Variants in NUP133 observed in about 807,000 individuals in gnomAD.
NUP133 encodes nuclear pore complex protein Nup133.
NUP133 carries 66 observed loss-of-function variants against 146.2 expected under a neutral mutation model. The ratio of observed to expected loss-of-function variants is 0.45; its 90% CI spans 0.37 to 0.55. NUP133 has a LOEUF of 0.55. Among genes scored for constraint, NUP133 ranks in the 20% least tolerant of loss-of-function variants. The pLI, the probability that NUP133 is intolerant of heterozygous loss-of-function variation, is 0.00. For synonymous variants in NUP133, 521 were observed against 498.8 expected, an observed-to-expected ratio of 1.04 and a Z score of -0.59; for missense variants, 1,277 against 1,374.8, an observed-to-expected ratio of 0.93 and a Z score of 1.12.
chr1:229,495,769 T>C (rs1037658584), intron 7 of NUP133, 123 bp downstream of exon 7: 2 of 971,690 alleles, frequency 2.1e-6, no homozygotes, highest in Non-Finnish European at 3.0e-6. Flanking sequence ...CTTAATCTGA[T>C]AACCATACAC....
At chr1:229,448,151 G>A (rs936194510) in intron 24 of NUP133, among the ~76,000 whole-genome samples, 6 of 152,216 alleles carry the variant, frequency 3.9e-5, no homozygotes, top group Non-Finnish European at 8.8e-5. Context: ...GGGAGGAGCC[G>A]GGCGTGGTGG....
intron 11 of NUP133, among the ~76,000 whole-genome samples, chr1:229,484,648 C>T (rs1349858747): frequency 1.3e-5 from 2 of 152,138 alleles, no homozygotes; most frequent in African/African-American, 4.8e-5. Context: ...TGCTCTTACA[C>T]GACTCATCAC....
At chr1:229,449,242 T>C (rs1213712419) in intron 23 of NUP133, 52 bp from the exon 24 acceptor site, 6 of 1,176,460 alleles carry the variant, frequency 5.1e-6, no homozygotes, top group Non-Finnish European at 7.4e-6. Context: ...CTGAAAGAAA[T>C]ACATGCCTAA....
chr1:229,500,347 G>A (rs1365469696), intron 4 of NUP133, among the ~76,000 whole-genome samples: 1 of 152,022 alleles, frequency 6.6e-6, no homozygotes, highest in Non-Finnish European at 1.5e-5. Context: ...AAGTTTTACT[G>A]TTTTACATTT....
intron 8 of NUP133, among the ~76,000 whole-genome samples, chr1:229,491,462 C>A (rs1224766838): frequency 1.3e-5 from 2 of 152,156 alleles, no homozygotes; most frequent in African/African-American, 4.8e-5. Context: ...CTAGGCAACA[C>A]TGTGAGACCA....
At chr1:229,462,024 C>T (rs1253250837) in intron 19 of NUP133, among the ~76,000 whole-genome samples, 1 of 152,066 alleles carries the variant, frequency 6.6e-6, no homozygotes, top group East Asian at 1.9e-4. Context: ...GATGGAATTA[C>T]AGGCACACGC....
At position 229,486,272 on chromosome 1, in the gene NUP133, C is replaced by T. The variant is rs906996624; in HGVS notation, c.1500+99G>A. On this transcript the variant is annotated intron_variant, in intron 11 of 25. Coordinates refer to ENST00000261396, the MANE Select transcript of NUP133 (RefSeq NM_018230.3). ...AGGAGTTTGGGGCTGCAATGAACTA[C>T]GACTGTGCCACTGCACTCTAGCCTG... The T allele has an allele frequency of 7.4e-6, 8 of 1,080,794 alleles. No homozygotes were observed. The Admixed American group carries it at 9.8e-5, about 13-fold the overall frequency. The allele number at this position is 1,080,794 out of a possible 1,614,324, so 67.0% of individuals were successfully genotyped here. A position where few individuals can be genotyped will look rare whatever the true frequency, so the allele number is the denominator to read the frequency against.
At chr1:229,448,194 T>C (rs1464052462) in intron 24 of NUP133, among the ~76,000 whole-genome samples, 1 of 152,146 alleles carries the variant, frequency 6.6e-6, no homozygotes, top group Non-Finnish European at 1.5e-5. Context: ...TTTGGGAGGC[T>C]GAGGTGGGCA....
chr1:229,466,544 G>A (rs1660831552), intron 16 of NUP133, 90 bp downstream of exon 16: 16 of 1,377,186 alleles, frequency 1.2e-5, no homozygotes, highest in Non-Finnish European at 1.3e-5. Context: ...ATACATTATC[G>A]GCAATACAGA....
rs536621548 is a variant in NUP133 at position 229,460,066 on chromosome 1, C to T, written c.2844+545G>A. Among the ~76,000 whole-genome samples, 4 of 152,142 alleles carry T rather than the reference C, an allele frequency of 2.6e-5. No individual in the cohort carries two copies. The South Asian group carries it at 6.2e-4, about 24-fold the overall frequency. On this transcript the variant is annotated intron_variant, in intron 20 of 25. Coordinates refer to ENST00000261396, the MANE Select transcript of NUP133 (RefSeq NM_018230.3). The stretch of plus-strand genomic sequence containing the variant: ...GGTAACAGCCATTCGAACAAATGTA[C>T]GGTGATGTCTCATTGTGATATAAAT...
chr1:229,487,993 G>A (rs1661404717), intron 9 of NUP133, among the ~76,000 whole-genome samples: 1 of 151,846 alleles, frequency 6.6e-6, no homozygotes, highest in Non-Finnish European at 1.5e-5. Flanking sequence ...ACAGGTGCAT[G>A]CTACCATGCC....
chr1:229,464,741 A>C lies in NUP133; in HGVS notation c.2434T>G (p.Phe812Val), dbSNP rs745852152. The change falls in exon 18 of 26, where the codon TTC (phenylalanine) becomes GTC (valine). Residue 812 changes from phenylalanine (F) to valine (V), a missense_variant. Coordinates refer to ENST00000261396, the MANE Select transcript of NUP133 (RefSeq NM_018230.3). Reference sequence around the variant, plus strand: ...AGCTGAGAAACATAACCATCCAGGAAGCAATCGATCAGGGCTACCAGCTGC... The same window carrying C: ...AGCTGAGAAACATAACCATCCAGGACGCAATCGATCAGGGCTACCAGCTGC... ...TEQLVALIDCFLDGYVSQLKS... is the reference protein window; with the variant it reads ...TEQLVALIDCVLDGYVSQLKS... 1 of 1,614,238 alleles carries C rather than the reference A, an allele frequency of 6.2e-7. No individual in the cohort carries two copies.
chr1:229,506,283 A>G (rs1488591931), intron 1 of NUP133, 125 bp from the exon 2 acceptor site: 1 of 498,428 alleles, frequency 2.0e-6, no homozygotes, highest in East Asian at 3.1e-5. Context: ...CATATTTACC[A>G]TGTAATTAAA....
chr1:229,452,063 G>A (rs377461677), intron 22 of NUP133, among the ~76,000 whole-genome samples: 4 of 152,328 alleles, frequency 2.6e-5, no homozygotes, highest in East Asian at 3.9e-4. Flanking sequence ...GCAAAGAGAT[G>A]CTTCTTCTCT....
Position 229,499,693 on chromosome 1 carries a change from T to C in NUP133, c.639A>G (p.Thr213=). 2 of 1,613,614 alleles carry C rather than the reference T, an allele frequency of 1.2e-6. No individual in the cohort carries two copies. The highest frequency in any genetic ancestry group is 1.7e-6 in the Non-Finnish European group (2 of 1,179,720). The change falls in exon 5 of 26, where the codon ACA becomes ACG. Residue 213 remains threonine, a synonymous_variant. Coordinates refer to ENST00000261396, the MANE Select transcript of NUP133 (RefSeq NM_018230.3). ...AATATCCGTGGTATACCTGCACTGC[T>C]GTTAGGAAACTGTAAGTCTTATCAC... ...SGGDKTYSFL[T]AVQGGSFILS... is the part of the protein sequence containing the mutation.
intron 21 of NUP133, among the ~76,000 whole-genome samples, chr1:229,455,337 T>C (rs1030358192): frequency 2.0e-5 from 3 of 152,124 alleles, no homozygotes; most frequent in African/African-American, 7.2e-5. Context: ...GTGGGCACAC[T>C]GCTTGAGCCC....
At chr1:229,461,842 T>TA in intron 19 of NUP133, among the ~76,000 whole-genome samples, 1 of 151,100 alleles carries the variant, frequency 6.6e-6, no homozygotes, top group East Asian at 1.9e-4. Context: ...AATATTTATT[T>TA]AGCAATGTTT....
chr1:229,475,531 T>C, intron 14 of NUP133, 107 bp downstream of exon 14: 1 of 747,962 alleles, frequency 1.3e-6, no homozygotes, highest in Non-Finnish European at 2.3e-6. Context: ...AAAACACCAG[T>C]CATGCCCCAC....
At chr1:229,449,067 G>T in intron 24 of NUP133, 59 bp downstream of exon 24, 1 of 1,249,642 alleles carries the variant, frequency 8.0e-7, no homozygotes, top group South Asian at 1.2e-5. Context: ...GTCATGTGGT[G>T]AGAGCAGAGG....
Sources: gnomAD v4.1 joint callset for allele counts (sites outside exome capture counted in the v4.1 genomes callset) on GRCh38, gnomAD v4.1.1 for gene constraint, MANE v1.5 for transcripts, NCBI Gene and HGNC (gene_info 2026-07-23, HGNC 2026-07-21) for gene names.